The following UBAP1 variants were observed in gnomAD, a reference collection of about 807,000 sequenced individuals.
UBAP1 encodes the protein ubiquitin-associated protein 1.
UBAP1 carries 5 observed loss-of-function variants against 39.0 expected under a neutral mutation model. The ratio of observed to expected loss-of-function variants is 0.13; its 90% CI spans 0.07 to 0.27. The LOEUF (loss-of-function observed/expected upper bound fraction) is 0.27. UBAP1 is among the 10% of genes least tolerant of loss of function. The probability of loss-of-function intolerance (pLI) is 1.00; values close to 1 mark genes in which losing one functional copy is unlikely to be tolerated. For missense variants in UBAP1, 490 were observed against 608.1 expected (o/e 0.81, Z 2.04); for synonymous variants, 211 against 225.1 (o/e 0.94, Z 0.56).
chr9:34,210,720 TA>T (rs906019867), intron 1 of UBAP1, among the ~76,000 whole-genome samples: 15 of 101,178 alleles, frequency 1.5e-4, no homozygotes, highest in African/African-American at 3.5e-4. Flanking sequence ...ACTCCATCTT[TA>T]AAAAAAAAAA....
chr9:34,179,104 C>T lies in UBAP1; in HGVS notation c.-144C>T. 7.8e-7 allele frequency: 1 copy of T among 1,278,846 alleles called. No individual in the cohort carries two copies. The highest frequency in any genetic ancestry group is 1.5e-5 in the African/African-American group (1 of 65,264). The allele number at this position is 1,278,846 out of a possible 1,614,324, so 79.2% of individuals were successfully genotyped here. A position where few individuals can be genotyped will look rare whatever the true frequency, so the allele number is the denominator to read the frequency against. ...GCGGTGGCTACGGTGACGGCCTGGCCCGGAGCGGGCAGAGTTGGAGGTGGT... is the reference window on the plus strand; with the variant it reads ...GCGGTGGCTACGGTGACGGCCTGGCTCGGAGCGGGCAGAGTTGGAGGTGGT... On this transcript the variant is annotated 5_prime_UTR_variant, in exon 1 of 7. Transcript: ENST00000297661.
At chr9:34,194,066 C>T (rs1024391829) in intron 1 of UBAP1, among the ~76,000 whole-genome samples, 2 of 152,118 alleles carry the variant, frequency 1.3e-5, no homozygotes, top group African/African-American at 4.8e-5. Context: ...GAACCAGGAA[C>T]AGTGGATGAA....
At chr9:34,214,966 TAAAA>T (rs1046688694) in intron 1 of UBAP1, among the ~76,000 whole-genome samples, 5 of 151,926 alleles carry the variant, frequency 3.3e-5, no homozygotes, top group African/African-American at 4.8e-5. Context: ...AATAAAAAAA[TAAAA>T]AAACAGTAGA....
At chr9:34,195,572 T>TA (rs1399781705) in intron 1 of UBAP1, among the ~76,000 whole-genome samples, 2 of 152,028 alleles carry the variant, frequency 1.3e-5, no homozygotes, top group Non-Finnish European at 2.9e-5. Flanking sequence ...CCAAAGTTGT[T>TA]ACGACTGTAG....
chr9:34,200,550 A>G (rs1831310525), intron 1 of UBAP1, among the ~76,000 whole-genome samples: 2 of 152,144 alleles, frequency 1.3e-5, no homozygotes, highest in Non-Finnish European at 2.9e-5. Flanking sequence ...ATTTTTGCTA[A>G]ACAGAATTTG....
At chr9:34,234,701 T>G (rs1427248601) in intron 3 of UBAP1, among the ~76,000 whole-genome samples, 1 of 152,172 alleles carries the variant, frequency 6.6e-6, no homozygotes, top group African/African-American at 2.4e-5. Context: ...GGTAGCGCAA[T>G]GCATTACTCA....
Position 34,249,775 on chromosome 9 carries a change from C to G in UBAP1, c.1084-4C>G. On this transcript the variant is annotated splice_region_variant and splice_polypyrimidine_tract_variant and intron_variant, in intron 4 of 6. Coordinates refer to ENST00000297661, the MANE Select transcript of UBAP1 (RefSeq NM_016525.5). The stretch of plus-strand genomic sequence containing the variant: ...TTGCCTTAATCTTCTTGTTTTTCCA[C>G]TAGGTCACCCCTCCTAATTTCTCAG... 1 of 1,613,112 alleles carries G rather than the reference C, an allele frequency of 6.2e-7. No individual in the cohort carries two copies. The highest frequency in any genetic ancestry group is 8.5e-7 in the Non-Finnish European group (1 of 1,179,170).
chr9:34,250,054 C>A, intron 5 of UBAP1, 93 bp downstream of exon 5: 3 of 1,347,228 alleles, frequency 2.2e-6, no homozygotes, highest in Non-Finnish European at 1.0e-6. Flanking sequence ...CTTGTAGCAC[C>A]AACCTCCTTT....
At chr9:34,243,489 CTTT>C (rs971182110) in intron 4 of UBAP1, among the ~76,000 whole-genome samples, 6 of 141,082 alleles carry the variant, frequency 4.3e-5, no homozygotes. Flanking sequence ...TTTCTTTTTT[CTTT>C]TTTTTTTTTT....
chr9:34,198,666 C>G (rs1037958422), intron 1 of UBAP1, among the ~76,000 whole-genome samples: 1 of 152,146 alleles, frequency 6.6e-6, no homozygotes, highest in African/African-American at 2.4e-5. Flanking sequence ...AGCCCCACCC[C>G]CTTCTTTGTT....
intron 1 of UBAP1, among the ~76,000 whole-genome samples, chr9:34,204,009 A>T (rs1831543182): frequency 1.3e-5 from 2 of 152,214 alleles, no homozygotes; most frequent in Non-Finnish European, 2.9e-5. Context: ...TTCTAGTATG[A>T]TAACTTTTTT....
At chr9:34,185,135 T>C (rs981920338) in intron 1 of UBAP1, among the ~76,000 whole-genome samples, 3 of 150,720 alleles carry the variant, frequency 2.0e-5, no homozygotes, top group African/African-American at 7.3e-5. Context: ...TGTTTCACCT[T>C]ATTCACCAGG....
chr9:34,230,948 C>T (rs1370434427), intron 2 of UBAP1, among the ~76,000 whole-genome samples: 3 of 151,816 alleles, frequency 2.0e-5, no homozygotes, highest in Admixed American at 6.6e-5. Flanking sequence ...GAGGCCGAGG[C>T]GGGAAGAATG....
rs67856544 is a variant in UBAP1 at position 34,181,116 on chromosome 9, C to CTTTTTTTTTTTTTTTT, written c.-8+1878_-8+1893dup. 3.9e-3 allele frequency among the ~76,000 whole-genome samples: 282 copies of CTTTTTTTTTTTTTTTT among 72,216 alleles called. 13 individuals carry two copies. Among genetic ancestry groups the CTTTTTTTTTTTTTTTT allele is most frequent in the East Asian group, 6.2e-3 (12 of 1,942 alleles). 47.4% of individuals were successfully genotyped at this position (72,216 alleles called of 152,430 possible). A position where few individuals can be genotyped will look rare whatever the true frequency, so the allele number is the denominator to read the frequency against. ...TGAGCCACCGCACCCGGCCTGTTTT[C>CTTTTTTTTTTTTTTTT]TTTTTTTTTTTTTTTTTGAGACAGA... On this transcript the variant is annotated intron_variant, in intron 1 of 6. Transcript: ENST00000297661.
At chr9:34,201,154 A>T (rs772820377) in intron 1 of UBAP1, 1 of 152,162 alleles carries the variant, frequency 6.6e-6, no homozygotes, top group Non-Finnish European at 1.5e-5. Flanking sequence ...ACCTCAGGTG[A>T]TCCACCAGCC....
At chr9:34,181,998 T>A (rs1461440245) in intron 1 of UBAP1, among the ~76,000 whole-genome samples, 1 of 149,202 alleles carries the variant, frequency 6.7e-6, no homozygotes, top group Non-Finnish European at 1.5e-5. Flanking sequence ...AGGGGTCTCT[T>A]ATGTTGCCCA....
chr9:34,241,379 C>T lies in UBAP1; in HGVS notation c.354C>T (p.Asn118=). The T allele has an allele frequency of 6.4e-7, 1 of 1,559,710 alleles. No individual in the cohort carries two copies. The highest frequency in any genetic ancestry group is 8.7e-7 in the Non-Finnish European group (1 of 1,152,976). The change falls in exon 4 of 7, where the codon AAC becomes AAT. Residue 118 remains asparagine (N), a synonymous_variant. Transcript: ENST00000297661. The part of the protein sequence containing the change: ...HSTATMPPPI[N]PILASLQHNS... Reference sequence around the variant, plus strand: ...CAGCCACAATGCCACCTCCTATTAACCCCATCCTCGCCAGCTTGCAGCACA... The same window carrying T: ...CAGCCACAATGCCACCTCCTATTAATCCCATCCTCGCCAGCTTGCAGCACA...
chr9:34,242,919 T>C (rs1256648077), intron 4 of UBAP1, among the ~76,000 whole-genome samples: 1 of 152,184 alleles, frequency 6.6e-6, no homozygotes, highest in Non-Finnish European at 1.5e-5. Context: ...TCAGAGACCA[T>C]AACAAGCCTG....
intron 1 of UBAP1, among the ~76,000 whole-genome samples, chr9:34,184,303 A>G (rs1427222799): frequency 1.3e-5 from 2 of 151,526 alleles, no homozygotes; most frequent in Non-Finnish European, 2.9e-5. Flanking sequence ...ATGAGCCAGG[A>G]TTGTTAAACA....
Sources: gnomAD v4.1 joint callset for allele counts (sites outside exome capture counted in the v4.1 genomes callset) on GRCh38, gnomAD v4.1.1 for gene constraint, MANE v1.5 for transcripts, NCBI Gene and HGNC (gene_info 2026-07-23, HGNC 2026-07-21) for gene names.